The following CAST variants were observed in gnomAD, a reference collection of about 807,000 sequenced individuals.
The protein encoded by CAST is MIR583 host.
CAST carries 76 observed loss-of-function variants against 119.6 expected under a neutral mutation model. The observed-to-expected ratio is 0.64, with a 90% CI of 0.53 to 0.77. The LOEUF (loss-of-function observed/expected upper bound fraction) is 0.77. CAST is among the 30% of genes least tolerant of loss of function. The pLI is 0.00. For missense variants in CAST, 953 were observed against 946.5 expected, an observed-to-expected ratio of 1.01 and a Z score of -0.09; for synonymous variants, 319 against 331.6, an observed-to-expected ratio of 0.96 and a Z score of 0.41.
upstream of CAST, among the ~76,000 whole-genome samples, chr5:96,520,558 GGTGTGTATGTGT>G (rs1366924292): frequency 6.6e-6 from 1 of 151,520 alleles, no homozygotes; most frequent in African/African-American, 2.4e-5. Context: ...TTTGTGGCTA[GGTGTGTATGTGT>G]GTGTGTCTGT....
In CAST at chr5:96,680,369, AAAAAAAAAAAGAAG is replaced by A. The variant is rs1457998730; in HGVS notation, c.138+4771_138+4784del. On this transcript the variant is annotated intron_variant, in intron 2 of 31. Transcript: ENST00000675179. ...GACTCTGTCTCAAAAAAAAAAAAAA[AAAAAAAAAAAGAAG>A]AAGAAGAAAAGAAAAATGGAAAATA... 4.1e-4 allele frequency among the ~76,000 whole-genome samples: 57 copies of A among 140,370 alleles called. 3 individuals carry two copies. The highest frequency in any genetic ancestry group is 1.1e-3 in the African/African-American group (39 of 35,464). 92.1% of individuals were successfully genotyped at this position (140,370 alleles called of 152,430 possible).
intron 1 of CAST, among the ~76,000 whole-genome samples, chr5:96,564,418 T>C (rs1170356192): frequency 6.6e-6 from 1 of 152,250 alleles, no homozygotes; most frequent in Non-Finnish European, 1.5e-5. Flanking sequence ...TATTTTGTTT[T>C]CCAGATATTT....
At chr5:95,985,019 A>T in the CAST span, among the ~76,000 whole-genome samples, 3 of 141,512 alleles carry the variant, frequency 2.1e-5, no homozygotes, top group African/African-American at 8.9e-5. Flanking sequence ...ATAGTTACCT[A>T]TATGGCTGAA....
At chr5:96,174,265 A>C in the CAST span, among the ~76,000 whole-genome samples, 1 of 152,170 alleles carries the variant, frequency 6.6e-6, no homozygotes, top group Non-Finnish European at 1.5e-5. Context: ...ATTTCCATTA[A>C]GGGAATTCCA....
chr5:96,126,469 A>G, the CAST span, among the ~76,000 whole-genome samples: 1 of 152,152 alleles, frequency 6.6e-6, no homozygotes, highest in Non-Finnish European at 1.5e-5. Flanking sequence ...CATACTATAT[A>G]TAACTGATAA....
chr5:96,690,299 T>C (rs1357100117), intron 2 of CAST, among the ~76,000 whole-genome samples: 1 of 152,146 alleles, frequency 6.6e-6, no homozygotes, highest in African/African-American at 2.4e-5. Context: ...TGGTGTGATC[T>C]TGGCTCACTG....
chr5:96,351,491 A>G, the CAST span, among the ~76,000 whole-genome samples: 1 of 152,178 alleles, frequency 6.6e-6, no homozygotes, highest in Non-Finnish European at 1.5e-5. Context: ...CAGAACACTC[A>G]ACTGGCACAT....
At chr5:96,727,296 T>C (rs977248437) in intron 5 of CAST, among the ~76,000 whole-genome samples, 193 bp from the exon 6 acceptor site, 4 of 152,222 alleles carry the variant, frequency 2.6e-5, no homozygotes, top group African/African-American at 7.2e-5. Context: ...TTAACTAGTA[T>C]ACCTAATTGT....
chr5:96,121,174 A>G, the CAST span, among the ~76,000 whole-genome samples: 1 of 152,182 alleles, frequency 6.6e-6, no homozygotes, highest in Admixed American at 6.6e-5. Context: ...AAAAGGGCGT[A>G]GTGTTCACTG....
At chr5:96,087,159 T>C in the CAST span, among the ~76,000 whole-genome samples, 1 of 152,350 alleles carries the variant, frequency 6.6e-6, no homozygotes, top group African/African-American at 2.4e-5. Context: ...TTAGACAGTA[T>C]TCCGTAAGTG....
chr5:96,424,102 A>T, the CAST span, among the ~76,000 whole-genome samples: 287 of 152,378 alleles, frequency 1.9e-3, 1 homozygote, highest in African/African-American at 6.6e-3. Flanking sequence ...AGTACAGGGT[A>T]GCAAGGGAAC....
the CAST span, among the ~76,000 whole-genome samples, chr5:96,123,789 G>A: frequency 2.0e-5 from 3 of 152,128 alleles, no homozygotes; most frequent in African/African-American, 4.8e-5. Flanking sequence ...ATTGAGAACT[G>A]ATTTTAAATG....
chr5:96,156,799 G>A, the CAST span, among the ~76,000 whole-genome samples: 7 of 152,052 alleles, frequency 4.6e-5, no homozygotes, highest in Non-Finnish European at 5.9e-5. Context: ...AAAGTTTCTC[G>A]GATATCTTTT....
the CAST span, among the ~76,000 whole-genome samples, chr5:96,325,688 C>T: frequency 2.0e-5 from 3 of 152,180 alleles, no homozygotes; most frequent in Admixed American, 2.0e-4. Flanking sequence ...CCATGTTGTC[C>T]AGGCTGGTCT....
the CAST span, among the ~76,000 whole-genome samples, chr5:96,230,840 G>A: frequency 6.6e-6 from 1 of 152,074 alleles, no homozygotes; most frequent in African/African-American, 2.4e-5. Flanking sequence ...GATAAGAATA[G>A]ACATTTCTTT....
At chr5:96,318,191 G>T in the CAST span, among the ~76,000 whole-genome samples, 1 of 152,160 alleles carries the variant, frequency 6.6e-6, no homozygotes, top group Non-Finnish European at 1.5e-5. Flanking sequence ...CTTCCTACTG[G>T]AGCAATTGCT....
the CAST span, among the ~76,000 whole-genome samples, chr5:96,136,633 G>A: frequency 6.6e-6 from 1 of 152,096 alleles, no homozygotes; most frequent in Non-Finnish European, 1.5e-5. Flanking sequence ...TTTTCTATAT[G>A]TAACCATCTG....
At chr5:96,594,432 C>T (rs1235321712) in intron 1 of CAST, among the ~76,000 whole-genome samples, 2 of 152,152 alleles carry the variant, frequency 1.3e-5, no homozygotes, top group Non-Finnish European at 2.9e-5. Context: ...CTGCCAAAAA[C>T]AAAATACTAA....
chr5:96,335,137 T>C, the CAST span, among the ~76,000 whole-genome samples: 1 of 152,066 alleles, frequency 6.6e-6, no homozygotes, highest in African/African-American at 2.4e-5. Context: ...CTCATCTCCT[T>C]CCCATTCATT....
Sources: gnomAD v4.1 joint callset for allele counts (sites outside exome capture counted in the v4.1 genomes callset) on GRCh38, gnomAD v4.1.1 for gene constraint, MANE v1.5 for transcripts, NCBI Gene and HGNC (gene_info 2026-07-23, HGNC 2026-07-21) for gene names.